TMTC4: variants seen among roughly 807,000 people sequenced by gnomAD.
The protein encoded by TMTC4 is protein O-mannosyl-transferase TMTC4.
Under a neutral mutation model 86.0 loss-of-function variants are expected in TMTC4, and 65 were observed. The ratio of observed to expected loss-of-function variants is 0.76; its 90% CI spans 0.62 to 0.93. The LOEUF is 0.93. Among genes scored for constraint, TMTC4 ranks in the 40% least tolerant of loss-of-function variants. TMTC4 has a pLI of 0.00. For synonymous variants in TMTC4, 379 were observed against 382.5 expected (o/e 0.99, Z 0.11); for missense variants, 866 against 948.1 (o/e 0.91, Z 1.14).
intron 3 of TMTC4, among the ~76,000 whole-genome samples, chr13:100,666,849 G>A (rs1886452568): frequency 6.6e-6 from 1 of 152,160 alleles, no homozygotes; most frequent in Non-Finnish European, 1.5e-5. Context: ...AGTCAGCTGG[G>A]AGTGGTGGCG....
chr13:100,656,340 TGAA>T (rs1594353448), intron 6 of TMTC4, 38 bp downstream of exon 6: 2 of 1,564,768 alleles, frequency 1.3e-6, no homozygotes, highest in Non-Finnish European at 1.7e-6. Flanking sequence ...GACAAAAACA[TGAA>T]GAAGGTGGAA....
intron 10 of TMTC4, chr13:100,635,800 T>C (rs867042651): frequency 6.5e-6 from 1 of 152,786 alleles, no homozygotes; most frequent in South Asian, 2.1e-4. Flanking sequence ...AGAGGATGAA[T>C]TAAGACTCTA....
chr13:100,664,158 T>A, intron 4 of TMTC4, 63 bp downstream of exon 4: 1 of 1,401,796 alleles, frequency 7.1e-7, no homozygotes, highest in Non-Finnish European at 9.7e-7. Flanking sequence ...GACACACACC[T>A]GTATCCAATG....
chr13:100,666,871 T>A (rs982460433), intron 3 of TMTC4, among the ~76,000 whole-genome samples: 10 of 152,164 alleles, frequency 6.6e-5, no homozygotes, highest in African/African-American at 2.4e-4. Flanking sequence ...ATGACTGTAA[T>A]CTTAGCTACT....
At chr13:100,627,735 C>T (rs756623832) in intron 12 of TMTC4, among the ~76,000 whole-genome samples, 1 of 152,148 alleles carries the variant, frequency 6.6e-6, no homozygotes, top group Non-Finnish European at 1.5e-5. Flanking sequence ...ACGATTTGAG[C>T]GTAGCTTTTG....
chr13:100,674,830 G>GGAGGGGCCGCCCGCCGCGCACCC, upstream of TMTC4: 1 of 978,030 alleles, frequency 1.0e-6, no homozygotes. Context: ...CCTGGCAGGG[G>GGAGGGGCCGCCCGCCGCGCACCC]GAGGGGCCGC....
At chr13:100,642,728 G>C (rs1441067114) in intron 6 of TMTC4, among the ~76,000 whole-genome samples, 2 of 152,206 alleles carry the variant, frequency 1.3e-5, no homozygotes, top group African/African-American at 4.8e-5. Context: ...CTGCTGCCAT[G>C]ATGGAGCTGC....
chr13:100,623,755 T>C (rs756945027), intron 15 of TMTC4: 34 of 208,014 alleles, frequency 1.6e-4, no homozygotes, highest in Non-Finnish European at 2.5e-4. Context: ...GTGCAGGCGC[T>C]CAATGCACCA....
At chr13:100,632,694 ATTC>A (rs1362695145) in intron 12 of TMTC4, among the ~76,000 whole-genome samples, 2 of 152,250 alleles carry the variant, frequency 1.3e-5, no homozygotes, top group Non-Finnish European at 2.9e-5. Context: ...CTTATATATT[ATTC>A]TTTACTTAAG....
At chr13:100,643,159 T>C (rs1332802362) in intron 6 of TMTC4, among the ~76,000 whole-genome samples, 1 of 152,082 alleles carries the variant, frequency 6.6e-6, no homozygotes, top group African/African-American at 2.4e-5. Context: ...TGGATACTCC[T>C]CTCCGTTGTG....
chr13:100,609,113 T>C (rs9518103), intron 17 of TMTC4, among the ~76,000 whole-genome samples: 44,284 of 151,890 alleles, frequency 0.29, 7,648 homozygotes, highest in East Asian at 0.42. Context: ...TTATTCTCTA[T>C]TCTCCCTCCT....
chr13:100,644,257 C>G (rs944256274), intron 6 of TMTC4, among the ~76,000 whole-genome samples: 4 of 151,994 alleles, frequency 2.6e-5, no homozygotes, highest in African/African-American at 9.7e-5. Flanking sequence ...GCGCCCGCCA[C>G]CATGCCCAGC....
chr13:100,659,382 C>T lies in TMTC4; in HGVS notation c.553-2914G>A, dbSNP rs1885492346. On this transcript the variant is annotated intron_variant, in intron 5 of 18. Coordinates refer to ENST00000342624, the MANE Select transcript of TMTC4 (RefSeq NM_032813.5). ...TCCTGGGCTTGGGCAGTCCTCCTGCCTCAGCTTCCCAAGTAGCTGGGACTC... is the reference window on the plus strand; with the variant it reads ...TCCTGGGCTTGGGCAGTCCTCCTGCTTCAGCTTCCCAAGTAGCTGGGACTC... 4.6e-5 allele frequency among the ~76,000 whole-genome samples: 7 copies of T among 152,322 alleles called. No homozygotes were observed. The South Asian group carries it at 1.4e-3, about 32-fold the overall frequency.
At chr13:100,610,787 C>G (rs1411732920) in intron 17 of TMTC4, among the ~76,000 whole-genome samples, 1 of 152,148 alleles carries the variant, frequency 6.6e-6, no homozygotes, top group Non-Finnish European at 1.5e-5. Flanking sequence ...ATTATATAAG[C>G]CAAGTCTTCA....
At chr13:100,665,625 A>T (rs1291358725) in intron 3 of TMTC4, among the ~76,000 whole-genome samples, 1 of 152,210 alleles carries the variant, frequency 6.6e-6, no homozygotes, top group Non-Finnish European at 1.5e-5. Flanking sequence ...CGTCTGTACC[A>T]GCTCCCTAAT....
At chr13:100,652,423 G>A (rs1173998502) in intron 6 of TMTC4, among the ~76,000 whole-genome samples, 9 of 152,300 alleles carry the variant, frequency 5.9e-5, no homozygotes, top group African/African-American at 2.2e-4. Flanking sequence ...AGGTTGCAGT[G>A]AGCTGAGATT....
Position 100,674,113 on chromosome 13 carries a change from C to G in TMTC4, c.-208+631G>C, listed in dbSNP as rs1254444987. On this transcript the variant is annotated intron_variant, in intron 1 of 18. Coordinates refer to ENST00000342624, the MANE Select transcript of TMTC4 (RefSeq NM_032813.5). Reference sequence around the variant, plus strand: ...AGGAGGTGGGCAGTGGCTGCGCCACCTGCTCGGCTTCCCCAAACTCCGAGC... The same window carrying G: ...AGGAGGTGGGCAGTGGCTGCGCCACGTGCTCGGCTTCCCCAAACTCCGAGC... The G allele has an allele frequency of 1.3e-5, 13 of 984,920 alleles. No homozygotes were observed. In the Admixed American group the frequency reaches 8.0e-4, roughly 61 times the overall value. The allele number at this position is 984,920 out of a possible 1,614,324, so 61.0% of individuals were successfully genotyped here. A position where few individuals can be genotyped will look rare whatever the true frequency, so the allele number is the denominator to read the frequency against.
intron 12 of TMTC4, among the ~76,000 whole-genome samples, chr13:100,633,312 GAAAAAAAAAAAAAAA>G (rs10523073): frequency 3.8e-5 from 3 of 79,570 alleles, no homozygotes; most frequent in African/African-American, 4.8e-5. Flanking sequence ...CCATCTCAGG[GAAAAAAAAAAAAAAA>G]AAAAAAAAAA....
chr13:100,627,076 T>C (rs1008810122), intron 12 of TMTC4, among the ~76,000 whole-genome samples: 4 of 152,172 alleles, frequency 2.6e-5, no homozygotes, highest in Non-Finnish European at 4.4e-5. Context: ...TGCCTGCACC[T>C]TGATGGTGGG....
Sources: allele counts gnomAD v4.1 joint callset (sites outside exome capture counted in the v4.1 genomes callset), GRCh38; gene constraint gnomAD v4.1.1; transcripts MANE v1.5; gene names NCBI Gene and HGNC (gene_info 2026-07-23, HGNC 2026-07-21).